Variants in SPACA7 observed in about 807,000 individuals in gnomAD.
SPACA7 encodes the protein sperm acrosome-associated protein 7.
SPACA7 carries 19 observed loss-of-function variants against 26.3 expected under a neutral mutation model. The observed-to-expected ratio is 0.72, with a 90% CI of 0.50 to 1.06. SPACA7 has a LOEUF of 1.06. Ranked by LOEUF, SPACA7 falls within the 50% of genes least tolerant of loss-of-function variation. The pLI is 0.00. For synonymous variants in SPACA7, 84 were observed against 84.5 expected (o/e 0.99, Z 0.04); for missense variants, 211 against 229.9 (o/e 0.92, Z 0.53).
chr13:112,417,044 T>C (rs913270376), intron 5 of SPACA7, among the ~76,000 whole-genome samples: 45 of 152,188 alleles, frequency 3.0e-4, no homozygotes, highest in African/African-American at 9.9e-4. Flanking sequence ...TAGAGAACGC[T>C]GCTTCATTGT....
chr13:112,398,261 G>A (rs1369987884), intron 3 of SPACA7, 123 bp downstream of exon 3: 7 of 695,796 alleles, frequency 1.0e-5, no homozygotes, highest in African/African-American at 3.6e-5. Flanking sequence ...CTGGGGCAAG[G>A]GCACATGGAG....
At chr13:112,381,833 T>C (rs1299788139) in intron 1 of SPACA7, among the ~76,000 whole-genome samples, 3 of 152,074 alleles carry the variant, frequency 2.0e-5, no homozygotes, top group African/African-American at 7.2e-5. Context: ...GATGAGCCAC[T>C]TTATCCATCT....
intron 5 of SPACA7, among the ~76,000 whole-genome samples, chr13:112,430,285 G>C (rs191476173): frequency 6.6e-6 from 1 of 151,758 alleles, no homozygotes; most frequent in Non-Finnish European, 1.5e-5. Context: ...TGGGCTCTGC[G>C]TAAGTTCTCA....
chr13:112,382,813 C>A (rs1329695033), intron 1 of SPACA7, among the ~76,000 whole-genome samples: 4 of 151,858 alleles, frequency 2.6e-5, no homozygotes, highest in South Asian at 2.1e-4. Flanking sequence ...CATGGTGATA[C>A]CCTGTCTCTA....
chr13:112,402,274 C>T (rs1885695747), intron 5 of SPACA7, among the ~76,000 whole-genome samples: 1 of 152,088 alleles, frequency 6.6e-6, no homozygotes, highest in Non-Finnish European at 1.5e-5. Flanking sequence ...AAGCTTATTC[C>T]TAAGTATTCA....
chr13:112,383,356 C>A (rs1884330216), intron 1 of SPACA7, among the ~76,000 whole-genome samples: 1 of 152,052 alleles, frequency 6.6e-6, no homozygotes, highest in African/African-American at 2.4e-5. Context: ...TTTTTGGAAG[C>A]ATAATTTTTC....
chr13:112,383,106 AAAAGAAAAGAAAAGAAAAGAAAG>A lies in SPACA7; in HGVS notation c.94+6635_94+6657del, dbSNP rs1180301733. ...AAAAAGAAAGAAAGAAAGAAGAAAG[AAAAGAAAAGAAAAGAAAAGAAAG>A]AAAGAAAGAAAGAAAGAAAGAAAGA... On this transcript the variant is annotated intron_variant, in intron 1 of 6. Transcript: ENST00000283550. Among the ~76,000 whole-genome samples, 29 of 22,922 alleles carry A rather than the reference AAAAGAAAAGAAAAGAAAAGAAAG, an allele frequency of 1.3e-3. 1 individual carries two copies. The highest frequency in any genetic ancestry group is 2.4e-3 in the Non-Finnish European group (17 of 7,132). The allele number at this position is 22,922 out of a possible 152,430, so 15.0% of individuals were successfully genotyped here.
At chr13:112,387,822 G>A (rs557180779) in intron 1 of SPACA7, among the ~76,000 whole-genome samples, 8 of 152,246 alleles carry the variant, frequency 5.3e-5, no homozygotes, top group Admixed American at 5.2e-4. Flanking sequence ...CAAGGAGAAC[G>A]GAATTAACAT....
At chr13:112,417,933 A>T (rs973265065) in intron 5 of SPACA7, among the ~76,000 whole-genome samples, 8 of 151,992 alleles carry the variant, frequency 5.3e-5, no homozygotes, top group Admixed American at 6.6e-5. Flanking sequence ...AGTATTTTAT[A>T]GTTAGGTTAT....
At position 112,381,485 on chromosome 13, in the gene SPACA7, C is replaced by A. The variant is rs564934106; in HGVS notation, c.94+5006C>A. 8.5e-5 allele frequency among the ~76,000 whole-genome samples: 9 copies of A among 106,000 alleles called. No homozygotes were observed. The East Asian group carries it at 2.5e-3, about 30-fold the overall frequency. 69.5% of individuals were successfully genotyped at this position (106,000 alleles called of 152,430 possible). A position where few individuals can be genotyped will look rare whatever the true frequency, so the allele number is the denominator to read the frequency against. On this transcript the variant is annotated intron_variant, in intron 1 of 6. Transcript: ENST00000283550. Reference sequence around the variant, plus strand: ...TCCAGCCTGGCTGACAGAATGAGACCCTGTCCCCCAAAAAAAAAAAAAAAA... The same window carrying A: ...TCCAGCCTGGCTGACAGAATGAGACACTGTCCCCCAAAAAAAAAAAAAAAA...
chr13:112,408,266 T>A (rs1412362316), intron 5 of SPACA7, among the ~76,000 whole-genome samples: 1 of 152,160 alleles, frequency 6.6e-6, no homozygotes, highest in East Asian at 1.9e-4. Flanking sequence ...AATATCATAC[T>A]GAATGGGCAA....
intron 5 of SPACA7, among the ~76,000 whole-genome samples, chr13:112,422,527 C>T (rs1160541512): frequency 1.3e-5 from 2 of 152,176 alleles, no homozygotes; most frequent in African/African-American, 2.4e-5. Context: ...CACCAACATC[C>T]ACCATCTTTT....
At position 112,415,813 on chromosome 13, in the gene SPACA7, G is replaced by T. The variant is rs557705507; in HGVS notation, c.445+14649G>T. On this transcript the variant is annotated intron_variant, in intron 5 of 6. Transcript: ENST00000283550. ...CTATGGCCACTTTAGGTAATCAGCA[G>T]TGAAGCAGGGCAGGACTCAGGTTCA... is the stretch of plus-strand genomic sequence containing the variant. Among the ~76,000 whole-genome samples, 5 of 152,274 alleles carry T rather than the reference G, an allele frequency of 3.3e-5. No homozygotes were observed. The South Asian group carries it at 8.3e-4, about 25-fold the overall frequency.
chr13:112,412,510 T>C (rs1391661633), intron 5 of SPACA7, among the ~76,000 whole-genome samples: 2 of 152,202 alleles, frequency 1.3e-5, no homozygotes, highest in Non-Finnish European at 2.9e-5. Context: ...TTTAAGGTCT[T>C]ACTCAAAAAA....
chr13:112,411,263 CT>C (rs1555328512), intron 5 of SPACA7, among the ~76,000 whole-genome samples: 4 of 151,888 alleles, frequency 2.6e-5, no homozygotes, highest in African/African-American at 7.2e-5. Flanking sequence ...CCCTAATTCC[CT>C]TTTTTTCTTA....
chr13:112,384,648 T>C (rs968092487), intron 1 of SPACA7, among the ~76,000 whole-genome samples: 4 of 152,136 alleles, frequency 2.6e-5, no homozygotes, highest in Non-Finnish European at 1.5e-5. Context: ...TAATAAGTCA[T>C]TTATTTAGCC....
At chr13:112,401,833 T>G (rs1885663588) in intron 5 of SPACA7, among the ~76,000 whole-genome samples, 1 of 152,218 alleles carries the variant, frequency 6.6e-6, no homozygotes, top group Admixed American at 6.5e-5. Context: ...TGAACCATTT[T>G]TTTAAAAGTC....
intron 5 of SPACA7, among the ~76,000 whole-genome samples, chr13:112,430,529 C>T (rs1877001912): frequency 6.6e-6 from 1 of 152,126 alleles, no homozygotes; most frequent in Admixed American, 6.5e-5. Flanking sequence ...TAGATTTTTA[C>T]CCATGTGGTT....
chr13:112,386,396 A>T (rs1884528628), intron 1 of SPACA7, among the ~76,000 whole-genome samples: 2 of 152,234 alleles, frequency 1.3e-5, no homozygotes, highest in Non-Finnish European at 1.5e-5. Flanking sequence ...CTGTCAGATG[A>T]CACAATGCAA....
Sources: allele counts gnomAD v4.1 joint callset (sites outside exome capture counted in the v4.1 genomes callset), GRCh38; gene constraint gnomAD v4.1.1; transcripts MANE v1.5; gene names NCBI Gene and HGNC (gene_info 2026-07-23, HGNC 2026-07-21).